TOX: variants seen among roughly 807,000 people sequenced by gnomAD.
TOX encodes thymocyte selection-associated high mobility group box protein TOX.
TOX carries 11 observed loss-of-function variants against 53.7 expected under a neutral mutation model. The ratio of observed to expected loss-of-function variants is 0.20; its 90% CI spans 0.13 to 0.34. The LOEUF is 0.34. TOX is among the 10% of genes least tolerant of loss of function. The pLI is 1.00. For synonymous variants in TOX, 225 were observed against 245.3 expected, an observed-to-expected ratio of 0.92 and a Z score of 0.77; for missense variants, 570 against 664.6, an observed-to-expected ratio of 0.86 and a Z score of 1.56.
At chr8:59,059,876 A>G (rs1803949145) in intron 1 of TOX, among the ~76,000 whole-genome samples, 1 of 151,670 alleles carries the variant, frequency 6.6e-6, no homozygotes, top group Non-Finnish European at 1.5e-5. Flanking sequence ...AAGTGACCAA[A>G]GTCTTGTTTC....
chr8:59,054,226 TAACTC>T (rs1803843587), intron 1 of TOX, among the ~76,000 whole-genome samples: 2 of 152,228 alleles, frequency 1.3e-5, no homozygotes, highest in Non-Finnish European at 2.9e-5. Context: ...ACACTGTAAT[TAACTC>T]TATTATAAAC....
At chr8:58,909,020 T>C (rs1330122836) in intron 3 of TOX, among the ~76,000 whole-genome samples, 1 of 152,222 alleles carries the variant, frequency 6.6e-6, no homozygotes, top group African/African-American at 2.4e-5. Flanking sequence ...CTAGTGGGTT[T>C]GGGGATTAGT....
At chr8:59,032,431 T>C (rs1385043929) in intron 1 of TOX, among the ~76,000 whole-genome samples, 1 of 152,214 alleles carries the variant, frequency 6.6e-6, no homozygotes, top group Non-Finnish European at 1.5e-5. Context: ...CCAACAAACA[T>C]TGTTTTCAGT....
At chr8:58,937,997 AATACTC>A (rs1563394824) in intron 3 of TOX, among the ~76,000 whole-genome samples, 1 of 152,222 alleles carries the variant, frequency 6.6e-6, no homozygotes, top group Non-Finnish European at 1.5e-5. Context: ...AGTCATACTT[AATACTC>A]ATAAGCTAAA....
At chr8:59,008,603 C>T (rs938238199) in intron 1 of TOX, among the ~76,000 whole-genome samples, 2 of 152,086 alleles carry the variant, frequency 1.3e-5, no homozygotes, top group Admixed American at 6.5e-5. Flanking sequence ...TGACTCCCCC[C>T]ATGAGTCATT....
chr8:59,034,962 G>T (rs779871269), intron 1 of TOX, among the ~76,000 whole-genome samples: 50 of 152,130 alleles, frequency 3.3e-4, no homozygotes, highest in Non-Finnish European at 5.1e-4. Flanking sequence ...GGAAGTGGAA[G>T]GGAAGGTGGA....
intron 4 of TOX, among the ~76,000 whole-genome samples, chr8:58,840,719 A>ACTC (rs1810629477): frequency 1.3e-5 from 2 of 151,580 alleles, no homozygotes; most frequent in South Asian, 4.2e-4. Context: ...TCACAACCAA[A>ACTC]CTCCTCCAAG....
At chr8:59,056,431 GAAAAAAA>G (rs397697554) in intron 1 of TOX, among the ~76,000 whole-genome samples, 1 of 56,296 alleles carries the variant, frequency 1.8e-5, no homozygotes, top group African/African-American at 9.0e-5. Flanking sequence ...GGCCCTCTCC[GAAAAAAA>G]AAAAAAAAAA....
chr8:58,817,571 A>T (rs2129164876), intron 6 of TOX, among the ~76,000 whole-genome samples: 1 of 152,336 alleles, frequency 6.6e-6, no homozygotes, highest in South Asian at 2.1e-4. Context: ...CTCAAAAATT[A>T]TTCCGTATAT....
At chr8:59,085,570 TACAG>T (rs1264619800) in intron 1 of TOX, among the ~76,000 whole-genome samples, 2 of 152,120 alleles carry the variant, frequency 1.3e-5, no homozygotes, top group African/African-American at 4.8e-5. Context: ...TTGATTTTTG[TACAG>T]ACAGAGTCTC....
At chr8:59,069,967 A>G (rs1271182280) in intron 1 of TOX, among the ~76,000 whole-genome samples, 1 of 152,216 alleles carries the variant, frequency 6.6e-6, no homozygotes, top group Admixed American at 6.5e-5. Context: ...TGACCTGTAT[A>G]GCGCCCGGTG....
At chr8:58,822,104 G>C (rs552347586) in intron 6 of TOX, among the ~76,000 whole-genome samples, 9 of 152,302 alleles carry the variant, frequency 5.9e-5, no homozygotes, top group African/African-American at 2.2e-4. Flanking sequence ...TTTCTCTATG[G>C]AAAGAAGTTG....
chr8:58,925,611 C>A (rs1812145752), intron 3 of TOX, among the ~76,000 whole-genome samples: 1 of 152,198 alleles, frequency 6.6e-6, no homozygotes, highest in African/African-American at 2.4e-5. Context: ...TACCCTGTGC[C>A]TGCTTCTGCA....
rs1812083302 is a variant in TOX at position 58,922,028 on chromosome 8, T to A, written c.411+17274A>T. ...ATCTTGGTCCCTAATTTTCCCTCTT[T>A]GTTGGATCATAGAATGCCGTGGCCT... On this transcript the variant is annotated intron_variant, in intron 3 of 8. Transcript: ENST00000361421. Among the ~76,000 whole-genome samples the A allele has an allele frequency of 1.3e-5, 2 of 152,220 alleles. 1 individual carries two copies. The highest frequency in any genetic ancestry group is 1.3e-4 in the Admixed American group (2 of 15,278).
chr8:59,061,153 GAACAT>G (rs1304302490), intron 1 of TOX, among the ~76,000 whole-genome samples: 4 of 152,156 alleles, frequency 2.6e-5, no homozygotes, highest in African/African-American at 9.7e-5. Flanking sequence ...AATGAAAACA[GAACAT>G]GTTTACAAAA....
intron 1 of TOX, among the ~76,000 whole-genome samples, chr8:59,007,868 A>G (rs1488352422): frequency 6.6e-6 from 1 of 152,234 alleles, no homozygotes; most frequent in Non-Finnish European, 1.5e-5. Flanking sequence ...AGTTTGTCTA[A>G]GAGCCAGAAG....
At chr8:58,874,013 T>C (rs994014951) in intron 3 of TOX, among the ~76,000 whole-genome samples, 14 of 138,882 alleles carry the variant, frequency 1.0e-4, no homozygotes, top group Non-Finnish European at 2.0e-4. Flanking sequence ...TGAGGGTCTA[T>C]TGTTGGCCAA....
chr8:59,042,440 A>C (rs1354000612), intron 1 of TOX, among the ~76,000 whole-genome samples: 3 of 152,238 alleles, frequency 2.0e-5, no homozygotes, highest in African/African-American at 4.8e-5. Context: ...TTTGTATATT[A>C]ATCCATAATC....
intron 1 of TOX, among the ~76,000 whole-genome samples, chr8:59,026,169 A>C (rs1486619711): frequency 5.9e-5 from 9 of 151,684 alleles, no homozygotes; most frequent in Non-Finnish European, 1.3e-4. Context: ...AATGAGCCCC[A>C]GTGGAGTCAA....
Sources: gnomAD v4.1 joint callset for allele counts (sites outside exome capture counted in the v4.1 genomes callset) on GRCh38, gnomAD v4.1.1 for gene constraint, MANE v1.5 for transcripts, NCBI Gene and HGNC (gene_info 2026-07-23, HGNC 2026-07-21) for gene names.